The following CSMD1 variants were observed in gnomAD, a reference collection of about 807,000 sequenced individuals.
CSMD1 encodes CUB and sushi domain-containing protein 1.
A neutral mutation model predicts 417.5 loss-of-function variants in CSMD1; 213 were observed. The ratio of observed to expected loss-of-function variants is 0.51; its 90% CI spans 0.46 to 0.57. CSMD1 has a LOEUF of 0.57. CSMD1 is among the 20% of genes least tolerant of loss of function. CSMD1 has a pLI of 0.00. For synonymous variants in CSMD1, 2,862 were observed against 1,736.8 expected, an observed-to-expected ratio of 1.65 and a Z score of -16.11; for missense variants, 6,923 against 4,529.7, an observed-to-expected ratio of 1.53 and a Z score of -15.17.
At chr8:4,159,609 G>A (rs751920387) in intron 3 of CSMD1, among the ~76,000 whole-genome samples, 2 of 152,134 alleles carry the variant, frequency 1.3e-5, no homozygotes, top group East Asian at 1.9e-4. Context: ...ATTATTGTGA[G>A]ACAGAGTCTC....
At chr8:3,692,731 C>T (rs1471877200) in intron 7 of CSMD1, among the ~76,000 whole-genome samples, 1 of 152,154 alleles carries the variant, frequency 6.6e-6, no homozygotes, top group Admixed American at 6.5e-5. Context: ...CCACGCCTGG[C>T]CACAACAATT....
At chr8:4,337,401 G>C (rs1385741940) in intron 3 of CSMD1, among the ~76,000 whole-genome samples, 6 of 151,974 alleles carry the variant, frequency 3.9e-5, no homozygotes, top group Admixed American at 3.3e-4. Flanking sequence ...CAGGTATTTT[G>C]TTTCAGACTG....
At chr8:4,640,785 G>T (rs962239196) in intron 1 of CSMD1, among the ~76,000 whole-genome samples, 4 of 150,702 alleles carry the variant, frequency 2.7e-5, no homozygotes, top group Admixed American at 6.6e-5. Context: ...AAAATAATCG[G>T]TAGTTTCTGT....
intron 7 of CSMD1, among the ~76,000 whole-genome samples, chr8:3,648,041 C>T (rs1344164012): frequency 2.0e-5 from 3 of 152,220 alleles, no homozygotes; most frequent in African/African-American, 7.2e-5. Context: ...TGAACCAGAT[C>T]TACCTGCATG....
intron 8 of CSMD1, among the ~76,000 whole-genome samples, chr8:3,608,035 G>C (rs991330218): frequency 1.3e-5 from 2 of 152,092 alleles, no homozygotes; most frequent in Non-Finnish European, 2.9e-5. Flanking sequence ...AGCCAGCCGT[G>C]GTGGTATGTG....
chr8:4,431,160 G>T (rs992070846), intron 2 of CSMD1, among the ~76,000 whole-genome samples: 2 of 152,180 alleles, frequency 1.3e-5, no homozygotes, highest in African/African-American at 4.8e-5. Flanking sequence ...TTGCTCAAAG[G>T]CAAGGGAGGG....
At chr8:3,260,248 A>T (rs758454061) in intron 26 of CSMD1, among the ~76,000 whole-genome samples, 1 of 152,090 alleles carries the variant, frequency 6.6e-6, no homozygotes, top group Non-Finnish European at 1.5e-5. Context: ...TCATTTTCTC[A>T]AAGTTGCTCT....
chr8:2,974,598 G>A lies in CSMD1; in HGVS notation c.8593C>T (p.Pro2865Ser). The A allele has an allele frequency of 1.2e-6, 2 of 1,609,166 alleles. No homozygotes were observed. Among genetic ancestry groups the A allele is most frequent in the Non-Finnish European group, 8.5e-7 (1 of 1,177,668 alleles). ...TCTCCAGTGAGGACGGCGTTGGCAG[G>A]GACCCCTGGGTGTCCACACGATATA... The part of the protein sequence containing the change: ...LAISCGHPGV[P>S]ANAVLTGELF... Residue 2865 changes from proline (P) to serine (S), a missense_variant, in exon 56 of 70, where the codon CCT (proline) becomes TCT (serine). By Grantham distance (74) the Pro-to-Ser change is moderately conservative. Coordinates refer to ENST00000635120, the MANE Select transcript of CSMD1 (RefSeq NM_033225.6).
At chr8:3,631,696 G>A (rs1191127918) in intron 7 of CSMD1, among the ~76,000 whole-genome samples, 1 of 152,204 alleles carries the variant, frequency 6.6e-6, no homozygotes, top group East Asian at 1.9e-4. Flanking sequence ...GTCAGACGGA[G>A]GGAAGAAATT....
At chr8:4,107,534 C>T (rs1450802325) in intron 3 of CSMD1, among the ~76,000 whole-genome samples, 1 of 152,164 alleles carries the variant, frequency 6.6e-6, no homozygotes, top group Non-Finnish European at 1.5e-5. Context: ...GATATCTGGG[C>T]TAATTTTTAA....
At chr8:4,346,571 G>C (rs1330626954) in intron 3 of CSMD1, among the ~76,000 whole-genome samples, 2 of 152,042 alleles carry the variant, frequency 1.3e-5, no homozygotes, top group Admixed American at 6.6e-5. Flanking sequence ...CGTGCTTTTC[G>C]TTATTGTTCT....
chr8:3,968,630 A>T (rs190489430), intron 5 of CSMD1, among the ~76,000 whole-genome samples: 15 of 152,300 alleles, frequency 9.8e-5, no homozygotes, highest in African/African-American at 3.4e-4. Context: ...TCTACATAGA[A>T]CACAGTCTGA....
chr8:4,096,053 C>A (rs1051919730), intron 3 of CSMD1, among the ~76,000 whole-genome samples: 13 of 139,256 alleles, frequency 9.3e-5, no homozygotes, highest in African/African-American at 3.9e-4. Flanking sequence ...GTGTTTTGTT[C>A]TTGTAACTAC....
At chr8:3,226,938 A>T (rs1286023387) in intron 27 of CSMD1, among the ~76,000 whole-genome samples, 2 of 142,832 alleles carry the variant, frequency 1.4e-5, no homozygotes, top group Non-Finnish European at 1.5e-5. Context: ...AAGCATATGA[A>T]AAAAAAAAGT....
At chr8:3,380,875 G>T (rs759420652) in intron 18 of CSMD1, among the ~76,000 whole-genome samples, 1 of 150,528 alleles carries the variant, frequency 6.6e-6, no homozygotes, top group Admixed American at 6.6e-5. Flanking sequence ...ATGTGTCCCA[G>T]AACTTAAAGT....
chr8:4,835,651 C>T (rs868451776), intron 1 of CSMD1, among the ~76,000 whole-genome samples: 10 of 152,090 alleles, frequency 6.6e-5, no homozygotes, highest in Non-Finnish European at 8.8e-5. Context: ...TGAAAGACAT[C>T]GGTGAGTTTG....
chr8:3,716,043 C>A (rs537394180), intron 6 of CSMD1, among the ~76,000 whole-genome samples: 4 of 152,154 alleles, frequency 2.6e-5, no homozygotes, highest in Admixed American at 2.0e-4. Flanking sequence ...ATATTTTGGT[C>A]GAATGTCCAC....
Position 4,657,753 on chromosome 8 carries a change from G to A in CSMD1, c.86-20195C>T, listed in dbSNP as rs1021413654. On this transcript the variant is annotated intron_variant, in intron 1 of 69. Coordinates refer to ENST00000635120, the MANE Select transcript of CSMD1 (RefSeq NM_033225.6). ...AAAAAAACTCTCCCTGAAAAAGCAC[G>A]GACATTTGAATTAGTAGAAAAAGAC... 6.1e-5 allele frequency among the ~76,000 whole-genome samples: 9 copies of A among 148,292 alleles called. No individual in the cohort carries two copies. The East Asian group carries it at 7.8e-4, about 13-fold the overall frequency.
Position 4,748,038 on chromosome 8 carries a change from T to C in CSMD1, c.86-110480A>G, listed in dbSNP as rs904731278. On this transcript the variant is annotated intron_variant, in intron 1 of 69. Transcript: ENST00000635120. ...CCATCTTCCAAACTCTATGTAGAAG[T>C]AGAAATAAAAACAGGGCACTCAGCT... Among the ~76,000 whole-genome samples the C allele has an allele frequency of 2.0e-5, 3 of 152,186 alleles. 1 individual carries two copies. Among genetic ancestry groups the C allele is most frequent in the Non-Finnish European group, 4.4e-5 (3 of 68,038 alleles).
Sources: allele counts gnomAD v4.1 joint callset (sites outside exome capture counted in the v4.1 genomes callset), GRCh38; gene constraint gnomAD v4.1.1; transcripts MANE v1.5; gene names NCBI Gene and HGNC (gene_info 2026-07-23, HGNC 2026-07-21).